Variants in NXN observed in about 807,000 individuals in gnomAD.
NXN encodes nucleoredoxin 1.
Under a neutral mutation model 48.6 loss-of-function variants are expected in NXN, and 16 were observed. The observed-to-expected ratio is 0.33, with a 90% confidence interval of 0.22 to 0.50. The LOEUF is 0.50. Among genes scored for constraint, NXN ranks in the 20% least tolerant of loss-of-function variants. The pLI is 0.98. For missense variants in NXN, 492 were observed against 605.5 expected (o/e 0.81, Z 1.97); for synonymous variants, 281 against 269.6 (o/e 1.04, Z -0.41).
intron 1 of NXN, among the ~76,000 whole-genome samples, chr17:938,186 A>AAAG (rs796811567): frequency 1.1e-4 from 16 of 152,374 alleles, no homozygotes; most frequent in African/African-American, 3.6e-4. Context: ...TCAGAGGACA[A>AAAG]AAGAGGCCGG....
intron 1 of NXN, among the ~76,000 whole-genome samples, chr17:944,988 A>G (rs2069025903): frequency 6.6e-6 from 1 of 152,062 alleles, no homozygotes; most frequent in African/African-American, 2.4e-5. Flanking sequence ...GGATTTTCTA[A>G]AAAGGGCTCC....
At position 835,109 on chromosome 17, in the gene NXN, C is replaced by T. The variant is rs539307554; in HGVS notation, c.361-9031G>A. ...GGATCACAAGGTCAGGAGATCGAGA[C>T]CATCCTGGCTAACATGGTGAAACCC... On this transcript the variant is annotated intron_variant, in intron 1 of 7. Transcript: ENST00000336868. Among the ~76,000 whole-genome samples the T allele has an allele frequency of 1.2e-3, 183 of 151,276 alleles. 1 individual carries two copies. The highest frequency in any genetic ancestry group is 3.9e-3 in the African/African-American group (160 of 41,272).
chr17:974,813 TTTTATTTATTTA>T (rs34003449), intron 1 of NXN, among the ~76,000 whole-genome samples: 20 of 150,250 alleles, frequency 1.3e-4, no homozygotes, highest in African/African-American at 3.7e-4. Context: ...ATTACTTTAT[TTTTATTTATTTA>T]TTTATTTATT....
chr17:891,088 C>T (rs1390983044), intron 1 of NXN, among the ~76,000 whole-genome samples: 2 of 121,110 alleles, frequency 1.7e-5, no homozygotes, highest in Non-Finnish European at 3.4e-5. Context: ...TCCGTCCATC[C>T]GTCCGTCCAT....
At position 819,479 on chromosome 17, in the gene NXN, C is replaced by G. The variant is rs1205646351; in HGVS notation, c.780G>C (p.Glu260Asp). 5 of 1,614,142 alleles carry G rather than the reference C, an allele frequency of 3.1e-6. No homozygotes were observed. Among genetic ancestry groups the G allele is most frequent in the Non-Finnish European group, 4.2e-6 (5 of 1,180,018 alleles). The stretch of plus-strand genomic sequence containing the variant: ...GCCGGTTGAGGCGCGACCGCCGGGC[C>G]TCATCCGTGTAGGGGACGGCGAGCC... ...MPWLAVPYTD[E>D]ARRSRLNRLY... Residue 260 changes from glutamate to aspartate, a missense_variant, in exon 5 of 8, where the codon GAG becomes GAC. By Grantham distance (45) the Glu-to-Asp change is conservative. Coordinates refer to ENST00000336868, the MANE Select transcript of NXN (RefSeq NM_022463.5).
chr17:845,688 A>G (rs970134619), intron 1 of NXN, among the ~76,000 whole-genome samples: 1 of 152,228 alleles, frequency 6.6e-6, no homozygotes, highest in Non-Finnish European at 1.5e-5. Flanking sequence ...AGCTCCTCAC[A>G]TTTGACCTGG....
intron 1 of NXN, among the ~76,000 whole-genome samples, chr17:927,434 C>A (rs945002645): frequency 6.6e-6 from 1 of 151,830 alleles, no homozygotes; most frequent in African/African-American, 2.4e-5. Context: ...CAAGGCGAAA[C>A]CCCGTCTCCA....
rs190097456 is a variant in NXN at position 818,614 on chromosome 17, A to G, written c.820+825T>C. 3.7e-3 allele frequency among the ~76,000 whole-genome samples: 567 copies of G among 152,274 alleles called. 3 individuals carry two copies. Among genetic ancestry groups the G allele is most frequent in the African/African-American group, 0.013 (536 of 41,582 alleles). The stretch of plus-strand genomic sequence containing the variant: ...TTAGAATCCACCATGGGCCGGGTGC[A>G]GTGGCTCACGCCTGTCATCCCAGCA... On this transcript the variant is annotated intron_variant, in intron 5 of 7. Transcript: ENST00000336868.
At chr17:908,998 C>T (rs1315324763) in intron 1 of NXN, among the ~76,000 whole-genome samples, 3 of 148,556 alleles carry the variant, frequency 2.0e-5, no homozygotes, top group South Asian at 4.5e-4. Context: ...CTCAGCTACT[C>T]GGGGGCAGGA....
chr17:968,656 G>C (rs2069335297), intron 1 of NXN, among the ~76,000 whole-genome samples: 1 of 152,194 alleles, frequency 6.6e-6, no homozygotes, highest in South Asian at 2.1e-4. Context: ...AATGAAGAGA[G>C]GCCAGGCATG....
chr17:863,324 C>T (rs143957117), intron 1 of NXN, among the ~76,000 whole-genome samples: 1,877 of 152,040 alleles, frequency 0.012, 40 homozygotes, highest in African/African-American at 0.043. Flanking sequence ...CCCGCCACCA[C>T]GCCCAGCTAA....
chr17:962,199 A>C (rs1230821774), intron 1 of NXN, among the ~76,000 whole-genome samples: 1 of 152,162 alleles, frequency 6.6e-6, no homozygotes, highest in Non-Finnish European at 1.5e-5. Context: ...AGTAGGTGAG[A>C]AGACTTTTGA....
intron 1 of NXN, chr17:907,567 T>C (rs1001057607): frequency 2.1e-5 from 3 of 144,450 alleles, no homozygotes; most frequent in Admixed American, 7.2e-5. Flanking sequence ...CTTGAACTCC[T>C]GACCTCAGGT....
intron 1 of NXN, among the ~76,000 whole-genome samples, chr17:918,672 A>G (rs1416186459): frequency 6.6e-6 from 1 of 151,722 alleles, no homozygotes; most frequent in Non-Finnish European, 1.5e-5. Flanking sequence ...GGGCGGCTGT[A>G]ATCCCAGCTA....
At chr17:879,034 A>G (rs111564429) in intron 1 of NXN, among the ~76,000 whole-genome samples, 31 of 151,980 alleles carry the variant, frequency 2.0e-4, no homozygotes, top group East Asian at 7.9e-4. Flanking sequence ...GTGTGGTGGC[A>G]GGCGCCTCTA....
At chr17:832,626 T>C (rs536436961) in intron 1 of NXN, among the ~76,000 whole-genome samples, 34 of 152,184 alleles carry the variant, frequency 2.2e-4, no homozygotes, top group Non-Finnish European at 5.9e-5. Context: ...CTTATGTGAG[T>C]AGAAGAGTTG....
intron 1 of NXN, among the ~76,000 whole-genome samples, chr17:866,014 T>C (rs2068092425): frequency 6.6e-6 from 1 of 151,730 alleles, no homozygotes. Context: ...TGTGCGACAA[T>C]GTTTATCATA....
intron 1 of NXN, among the ~76,000 whole-genome samples, chr17:863,152 C>A (rs72812009): frequency 6.6e-6 from 1 of 152,204 alleles, no homozygotes; most frequent in Non-Finnish European, 1.5e-5. Context: ...ATGGGTTTCA[C>A]ATCCTGCGAA....
At position 956,979 on chromosome 17, in the gene NXN, AGGTATATATATTTCAT is replaced by A. The variant is rs2150624228; in HGVS notation, c.360+22324_360+22339del. On this transcript the variant is annotated intron_variant, in intron 1 of 7. Coordinates refer to ENST00000336868, the MANE Select transcript of NXN (RefSeq NM_022463.5). The surrounding 1 kb of genome is among the most constrained non-coding windows in gnomAD (Gnocchi z 4.1). ...CACCCAGAAAAAACTCTAAATTTAT[AGGTATATATATTTCAT>A]GCCTTATCTCCCCAGCTTAATTATA... Among the ~76,000 whole-genome samples the A allele has an allele frequency of 6.6e-6, 1 of 152,238 alleles. No individual in the cohort carries two copies. The highest frequency in any genetic ancestry group is 2.4e-5 in the African/African-American group (1 of 41,542).
Sources: allele counts gnomAD v4.1 joint callset (sites outside exome capture counted in the v4.1 genomes callset), GRCh38; gene constraint gnomAD v4.1.1; non-coding constraint Gnocchi (gnomAD v3.1); transcripts MANE v1.5; gene names NCBI Gene and HGNC (gene_info 2026-07-23, HGNC 2026-07-21).